Variants in SH3TC1 observed in about 807,000 individuals in gnomAD.
The protein encoded by SH3TC1 is SH3 domain and tetratricopeptide repeats 1.
Under a neutral mutation model 117.3 loss-of-function variants are expected in SH3TC1, and 135 were observed. The observed-to-expected ratio is 1.15, with a 90% CI of 1.00 to 1.33. The LOEUF (loss-of-function observed/expected upper bound fraction) is 1.33, where lower values mean the gene tolerates loss of function less well. Among genes scored for constraint, SH3TC1 ranks in the 40% most tolerant of loss-of-function variants. The pLI is 0.00. For synonymous variants in SH3TC1, 898 were observed against 816.9 expected, an observed-to-expected ratio of 1.10 and a Z score of -1.69; for missense variants, 2,092 against 1,794.3, an observed-to-expected ratio of 1.17 and a Z score of -3.00.
At chr4:8,207,844 G>A (rs1158143006) in intron 2 of SH3TC1, among the ~76,000 whole-genome samples, 2 of 152,138 alleles carry the variant, frequency 1.3e-5, no homozygotes, top group East Asian at 1.9e-4. Context: ...TGTTTCCAGG[G>A]AGCCCTGGCT....
intron 17 of SH3TC1, 143 bp downstream of exon 17, chr4:8,237,813 T>A: frequency 2.1e-6 from 2 of 935,560 alleles, no homozygotes; most frequent in Non-Finnish European, 3.0e-6. Context: ...CTGGAGGAGC[T>A]GGCAAGGTTA....
At chr4:8,184,060 C>G (rs1717157542) in intron 1 of SH3TC1, among the ~76,000 whole-genome samples, 1 of 152,166 alleles carries the variant, frequency 6.6e-6, no homozygotes, top group Admixed American at 6.5e-5. Flanking sequence ...TGTGTCTTTT[C>G]TTTTAGGCCC....
intron 7 of SH3TC1, among the ~76,000 whole-genome samples, chr4:8,217,408 GT>G (rs932342852): frequency 5.3e-5 from 8 of 152,252 alleles, no homozygotes; most frequent in Admixed American, 3.9e-4. Context: ...CTATCCTGGG[GT>G]TCGCTGGCAC....
chr4:8,220,666 G>T (rs1042710556), intron 9 of SH3TC1, among the ~76,000 whole-genome samples: 1 of 152,174 alleles, frequency 6.6e-6, no homozygotes, highest in Admixed American at 6.5e-5. Context: ...TGGGTCATGT[G>T]ATCCTGGTCC....
At chr4:8,201,981 A>G (rs1717869385) in intron 1 of SH3TC1, among the ~76,000 whole-genome samples, 1 of 152,098 alleles carries the variant, frequency 6.6e-6, no homozygotes, top group South Asian at 2.1e-4. Flanking sequence ...GAGGACAAGG[A>G]CTCCAAGGTC....
Position 8,205,176 on chromosome 4 carries a change from T to C in SH3TC1, c.-19T>C, listed in dbSNP as rs1718095917. On this transcript the variant is annotated 5_prime_UTR_variant, in exon 2 of 18. It removes an upstream start codon present in the reference 5' UTR. Transcript: ENST00000245105. This position sits in a 1 kb window ranked among gnomAD's most constrained non-coding sequence, Gnocchi z 5.4. ...CCCCCTCTGTCCACAGGGCCAGGCA[T>C]GTGAGGTCTCTGCGGGTCATGGAGA... is the stretch of plus-strand genomic sequence containing the variant. 1.3e-6 allele frequency: 2 copies of C among 1,498,502 alleles called. No individual in the cohort carries two copies. Among genetic ancestry groups the C allele is most frequent in the Non-Finnish European group, 1.8e-6 (2 of 1,123,878 alleles). 92.8% of individuals were successfully genotyped at this position (1,498,502 alleles called of 1,614,324 possible). A position where few individuals can be genotyped will look rare whatever the true frequency, so the allele number is the denominator to read the frequency against.
chr4:8,195,150 C>G (rs944367248), upstream of SH3TC1, among the ~76,000 whole-genome samples: 3 of 152,208 alleles, frequency 2.0e-5, no homozygotes, highest in African/African-American at 7.2e-5. Context: ...TCAGCAAGCC[C>G]CATGTGATGA....
Position 8,227,161 on chromosome 4 carries a change from C to T in SH3TC1, c.1467C>T (p.Ala489=), listed in dbSNP as rs764444360. ...DPEEPSFCLE[A]EDDWEDPEAL... is the part of the protein sequence containing the mutation. ...AGGAGCCCTCCTTCTGCTTGGAAGC[C>T]GAGGACGACTGGGAGGACCCAGAGG... Residue 489 remains alanine, a synonymous_variant, in exon 12 of 18, where the codon GCC becomes GCT. Transcript: ENST00000245105. The T allele has an allele frequency of 1.4e-5, 23 of 1,607,274 alleles. No homozygotes were observed. The East Asian group carries it at 1.8e-4, about 12-fold the overall frequency.
At chr4:8,212,660 C>A in intron 3 of SH3TC1, 41 bp from the exon 4 acceptor site, 1 of 1,612,142 alleles carries the variant, frequency 6.2e-7, no homozygotes, top group Non-Finnish European at 8.5e-7. Flanking sequence ...ACTTCCCAGC[C>A]CAGGTCAGAC....
At chr4:8,195,634 G>A (rs959594673), upstream of SH3TC1, among the ~76,000 whole-genome samples, 2 of 152,214 alleles carry the variant, frequency 1.3e-5, no homozygotes, top group African/African-American at 2.4e-5. Context: ...CTCCAGACCC[G>A]TGTGTGGATG....
intron 12 of SH3TC1, among the ~76,000 whole-genome samples, chr4:8,228,962 C>T (rs899311654): frequency 2.8e-4 from 43 of 152,290 alleles, no homozygotes; most frequent in Admixed American, 1.9e-3. Flanking sequence ...ACCCTGGAAG[C>T]GAGGCAGGCT....
intron 9 of SH3TC1, among the ~76,000 whole-genome samples, chr4:8,222,530 C>T (rs1024453086): frequency 1.8e-4 from 28 of 151,880 alleles, no homozygotes; most frequent in East Asian, 1.9e-4. Flanking sequence ...CATGCCACCA[C>T]GCCTGGCTAA....
Position 8,241,018 on chromosome 4 carries a change from C to G in SH3TC1, c.*63C>G. ...GGGGGTCTCCTGCCTCTCCTGGTGT[C>G]GCCGGTGGCTCATTTTCTGGCAAAT... On this transcript the variant is annotated 3_prime_UTR_variant, in exon 18 of 18. Coordinates refer to ENST00000245105, the MANE Select transcript of SH3TC1 (RefSeq NM_018986.5). The G allele has an allele frequency of 6.4e-7, 1 of 1,569,502 alleles. No individual in the cohort carries two copies. The highest frequency in any genetic ancestry group is 8.6e-7 in the Non-Finnish European group (1 of 1,160,606).
upstream of SH3TC1, among the ~76,000 whole-genome samples, chr4:8,195,434 C>T (rs1419823622): frequency 6.6e-6 from 1 of 152,212 alleles, no homozygotes; most frequent in Non-Finnish European, 1.5e-5. Context: ...GGAAAGCCCC[C>T]AGCCCTGAAG....
rs184927053 is a variant in SH3TC1, at chr4:8,209,257, G to A, written c.173-491G>A. On this transcript the variant is annotated intron_variant, in intron 2 of 17. Coordinates refer to ENST00000245105, the MANE Select transcript of SH3TC1 (RefSeq NM_018986.5). The surrounding 1 kb of genome is among the most constrained non-coding windows in gnomAD (Gnocchi z 5.9). ...GATCTCGAGATGGAGAGATGATCCC[G>A]GATGCTCCAGTGGGCCCTCCATGGA... Among the ~76,000 whole-genome samples the A allele has an allele frequency of 1.4e-4, 22 of 152,320 alleles. 1 individual carries two copies. The highest frequency in any genetic ancestry group is 1.0e-3 in the Admixed American group (16 of 15,310).
rs1032910404 is a variant in SH3TC1, at chr4:8,216,093, T to C, written c.482-18T>C. 6.2e-7 allele frequency: 1 copy of C among 1,611,596 alleles called. No individual in the cohort carries two copies. The highest frequency in any genetic ancestry group is 1.3e-5 in the African/African-American group (1 of 74,862). Reference sequence around the variant, plus strand: ...CCCTCTTCTGGAGCCCTCGGGTGACTGGGCCTGGCCTCCACAGGCTTCACT... The same window carrying C: ...CCCTCTTCTGGAGCCCTCGGGTGACCGGGCCTGGCCTCCACAGGCTTCACT... On this transcript the variant is annotated intron_variant, in intron 5 of 17. Transcript: ENST00000245105.
chr4:8,204,244 T>A (rs1340821723), intron 1 of SH3TC1, among the ~76,000 whole-genome samples: 4 of 152,186 alleles, frequency 2.6e-5, no homozygotes, highest in Non-Finnish European at 5.9e-5. Context: ...TCCCAGTGTT[T>A]GCTCAGAATA....
rs749808678 is a variant in SH3TC1, at chr4:8,227,805, C to T, written c.2111C>T (p.Ala704Val). Reference protein sequence around the residue: ...LHRDSGAPEAAWLSDCYLLLA... With the variant: ...LHRDSGAPEAVWLSDCYLLLA... Reference sequence around the variant, plus strand: ...AGGGACTCGGGAGCCCCAGAGGCCGCGTGGCTCTCAGACTGCTACCTACTC... The same window carrying T: ...AGGGACTCGGGAGCCCCAGAGGCCGTGTGGCTCTCAGACTGCTACCTACTC... The change falls in exon 12 of 18, where the codon GCG becomes GTG. Residue 704 changes from alanine to valine, a missense_variant. By Grantham distance (64) the Ala-to-Val change is moderately conservative. Coordinates refer to ENST00000245105, the MANE Select transcript of SH3TC1 (RefSeq NM_018986.5). The T allele has an allele frequency of 4.8e-5, 77 of 1,612,660 alleles. No individual in the cohort carries two copies. Among genetic ancestry groups the T allele is most frequent in the Middle Eastern group, 1.6e-4 (1 of 6,084 alleles).
chr4:8,189,180 G>A (rs904820985), intron 1 of SH3TC1, among the ~76,000 whole-genome samples: 4 of 152,276 alleles, frequency 2.6e-5, no homozygotes, highest in African/African-American at 9.6e-5. Flanking sequence ...CCCTGTCACT[G>A]GCACTTGGTT....
Sources: allele counts gnomAD v4.1 joint callset (sites outside exome capture counted in the v4.1 genomes callset), GRCh38; gene constraint gnomAD v4.1.1; non-coding constraint Gnocchi (gnomAD v3.1); transcripts MANE v1.5; gene names NCBI Gene and HGNC (gene_info 2026-07-23, HGNC 2026-07-21).